The following CPEB3 variants were observed in gnomAD, a reference collection of about 807,000 sequenced individuals.
The protein encoded by CPEB3 is cytoplasmic polyadenylation element binding protein 3, also known as cytoplasmic polyadenylation element-binding protein 3.
CPEB3 carries 20 observed loss-of-function variants against 67.2 expected under a neutral mutation model. The observed-to-expected ratio is 0.30, with a 90% CI of 0.21 to 0.43. The LOEUF (loss-of-function observed/expected upper bound fraction) is 0.43. Ranked by LOEUF, CPEB3 falls within the 20% of genes least tolerant of loss-of-function variation. The pLI is 1.00. For synonymous variants in CPEB3, 376 were observed against 393.1 expected (o/e 0.96, Z 0.51); for missense variants, 746 against 968.6 (o/e 0.77, Z 3.05).
chr10:92,096,786 T>C (rs908533998), intron 7 of CPEB3, among the ~76,000 whole-genome samples: 2 of 152,004 alleles, frequency 1.3e-5, no homozygotes, highest in African/African-American at 4.8e-5. Flanking sequence ...CTACTAAAAA[T>C]ACAAAAGTTA....
intron 1 of CPEB3, among the ~76,000 whole-genome samples, chr10:92,266,329 A>G (rs1399218337): frequency 1.3e-5 from 2 of 152,172 alleles, no homozygotes; most frequent in African/African-American, 4.8e-5. Context: ...AGAGAAGTTT[A>G]TCTGTTCTCT....
At chr10:92,290,473 T>C in intron 1 of CPEB3, among the ~76,000 whole-genome samples, 1 of 152,138 alleles carries the variant, frequency 6.6e-6, no homozygotes, top group East Asian at 1.9e-4. Context: ...GAGCTGTTTA[T>C]TCACCAACGT....
chr10:92,197,371 A>C (rs773864642), intron 2 of CPEB3, among the ~76,000 whole-genome samples: 4 of 152,246 alleles, frequency 2.6e-5, no homozygotes, highest in East Asian at 1.9e-4. Flanking sequence ...ATAGAAAAAA[A>C]CAGAAAAATC....
chr10:92,166,360 C>T (rs758773025), intron 4 of CPEB3, among the ~76,000 whole-genome samples: 1 of 152,128 alleles, frequency 6.6e-6, no homozygotes, highest in Non-Finnish European at 1.5e-5. Flanking sequence ...CCACCCTCCT[C>T]GACCTCCCAA....
chr10:92,085,689 A>G (rs1590102646), intron 8 of CPEB3, among the ~76,000 whole-genome samples: 1 of 151,942 alleles, frequency 6.6e-6, no homozygotes, highest in African/African-American at 2.4e-5. Context: ...GCTCACTGCA[A>G]CCTCCGCCTC....
chr10:92,250,998 T>C (rs182167274), intron 1 of CPEB3, among the ~76,000 whole-genome samples: 5 of 151,556 alleles, frequency 3.3e-5, no homozygotes, highest in African/African-American at 9.7e-5. Flanking sequence ...CCCAAAGTGC[T>C]AGGATTACAG....
intron 3 of CPEB3, among the ~76,000 whole-genome samples, chr10:92,186,680 C>T (rs543963635): frequency 6.6e-6 from 1 of 152,238 alleles, no homozygotes; most frequent in South Asian, 2.1e-4. Context: ...AGCGATCTGC[C>T]CGCCTCAGCC....
chr10:92,225,455 T>C (rs1850923631), intron 2 of CPEB3, among the ~76,000 whole-genome samples: 1 of 152,118 alleles, frequency 6.6e-6, no homozygotes, highest in Admixed American at 6.6e-5. Context: ...GAGGATCTCT[T>C]GAACCCAGTT....
Position 92,095,544 on chromosome 10 carries a change from G to A in CPEB3, c.1573-3600C>T, listed in dbSNP as rs555542474. ...CTGATATCCATGTTCTATCCTTCTG[G>A]ACTTACTCTTTGTTTGGATATATTT... On this transcript the variant is annotated intron_variant, in intron 7 of 9. Transcript: ENST00000265997. Among the ~76,000 whole-genome samples the A allele has an allele frequency of 2.7e-5, 4 of 145,640 alleles. No individual in the cohort carries two copies. In the East Asian group the frequency reaches 7.9e-4, roughly 29 times the overall value.
At chr10:92,087,040 A>G (rs1256330644) in intron 8 of CPEB3, among the ~76,000 whole-genome samples, 2 of 152,254 alleles carry the variant, frequency 1.3e-5, no homozygotes, top group Non-Finnish European at 2.9e-5. Flanking sequence ...TCTGCCTGCA[A>G]CCATATCATA....
chr10:92,179,453 C>T (rs1848369751), intron 4 of CPEB3, among the ~76,000 whole-genome samples: 2 of 152,170 alleles, frequency 1.3e-5, no homozygotes, highest in African/African-American at 4.8e-5. Flanking sequence ...AGACACACTA[C>T]CATACTGTTC....
chr10:92,098,160 T>TAAAAAAA lies in CPEB3; in HGVS notation c.1573-6223_1573-6217dup, dbSNP rs1166249584. Among the ~76,000 whole-genome samples, 26 of 36,126 alleles carry TAAAAAAA rather than the reference T, an allele frequency of 7.2e-4. 5 individuals carry two copies. Among genetic ancestry groups the TAAAAAAA allele is most frequent in the Non-Finnish European group, 9.3e-4 (20 of 21,456 alleles). The allele number at this position is 36,126 out of a possible 152,430, so 23.7% of individuals were successfully genotyped here. ...TGGGCAACAAGAGTGACACTCTGCCTAAAAAAAAAAAAAAAAAAAAAAAAA... is the reference window on the plus strand; with the variant it reads ...TGGGCAACAAGAGTGACACTCTGCCTAAAAAAAAAAAAAAAAAAAAAAAAAAAAAAAA... On this transcript the variant is annotated intron_variant, in intron 7 of 9. Coordinates refer to ENST00000265997, the MANE Select transcript of CPEB3 (RefSeq NM_014912.5).
intron 6 of CPEB3, among the ~76,000 whole-genome samples, chr10:92,128,664 T>C (rs1001873045): frequency 2.0e-5 from 3 of 152,004 alleles, no homozygotes; most frequent in Admixed American, 6.6e-5. Context: ...AAAAAATAAA[T>C]AGTTTCATTA....
chr10:92,172,490 G>C (rs554823265), intron 4 of CPEB3, among the ~76,000 whole-genome samples: 1 of 152,268 alleles, frequency 6.6e-6, no homozygotes, highest in Non-Finnish European at 1.5e-5. Context: ...AGTTATAAAG[G>C]AGTTAAATGA....
intron 2 of CPEB3, among the ~76,000 whole-genome samples, chr10:92,197,907 G>C (rs1485753364): frequency 6.6e-6 from 1 of 152,120 alleles, no homozygotes. Context: ...GGGAGTTCGA[G>C]ACCAGCCTGG....
At chr10:92,227,088 A>T (rs1313005601) in intron 2 of CPEB3, among the ~76,000 whole-genome samples, 1 of 152,206 alleles carries the variant, frequency 6.6e-6, no homozygotes, top group Non-Finnish European at 1.5e-5. Context: ...GAAAACTAAT[A>T]GGCCCCTCCT....
chr10:92,079,416 G>A (rs1280009329), intron 9 of CPEB3, among the ~76,000 whole-genome samples: 1 of 152,082 alleles, frequency 6.6e-6, no homozygotes, highest in East Asian at 1.9e-4. Context: ...AGATTGCTAT[G>A]GATACTTAAA....
intron 1 of CPEB3, among the ~76,000 whole-genome samples, chr10:92,261,489 C>T (rs968187319): frequency 6.6e-5 from 10 of 152,060 alleles, no homozygotes; most frequent in African/African-American, 2.4e-4. Flanking sequence ...CACTTTGTGC[C>T]CAGGCTGGAG....
intron 1 of CPEB3, among the ~76,000 whole-genome samples, chr10:92,283,213 T>C (rs1017552199): frequency 3.3e-5 from 5 of 151,956 alleles, no homozygotes; most frequent in Admixed American, 6.6e-5. Flanking sequence ...ATTTCACCAC[T>C]GCACTCCAGC....
Sources: gnomAD v4.1 joint callset for allele counts (sites outside exome capture counted in the v4.1 genomes callset) on GRCh38, gnomAD v4.1.1 for gene constraint, MANE v1.5 for transcripts, NCBI Gene and HGNC (gene_info 2026-07-23, HGNC 2026-07-21) for gene names.